SLC35F4: variants seen among roughly 807,000 people sequenced by gnomAD.
SLC35F4 encodes solute carrier family 35 member F4, also known as chromosome 14 open reading frame 36.
SLC35F4 carries 24 observed loss-of-function variants against 44.2 expected under a neutral mutation model. The observed-to-expected ratio is 0.54, with a 90% confidence interval of 0.39 to 0.76. SLC35F4 has a LOEUF of 0.76. Among genes scored for constraint, SLC35F4 ranks in the 30% least tolerant of loss-of-function variants. SLC35F4 has a pLI of 0.00. For missense variants in SLC35F4, 562 were observed against 586.1 expected (o/e 0.96, Z 0.42); for synonymous variants, 238 against 223.6 (o/e 1.06, Z -0.57).
intron 1 of SLC35F4, among the ~76,000 whole-genome samples, chr14:57,785,760 C>T (rs2077740523): frequency 1.3e-5 from 2 of 152,172 alleles, no homozygotes. Flanking sequence ...AGCAGAAACG[C>T]CCTGGGAGCT....
chr14:57,654,934 G>A (rs945305999), intron 1 of SLC35F4, among the ~76,000 whole-genome samples: 5 of 152,160 alleles, frequency 3.3e-5, no homozygotes, highest in Admixed American at 6.5e-5. Context: ...GTACGCTGAC[G>A]AAGCCCGCAT....
chr14:57,874,234 G>C (rs192252250), intron 1 of SLC35F4, among the ~76,000 whole-genome samples: 3 of 152,126 alleles, frequency 2.0e-5, no homozygotes, highest in Admixed American at 2.0e-4. Flanking sequence ...CTTCCTGGAG[G>C]AGCCAGGTAT....
At chr14:57,667,055 C>T (rs1322777673) in intron 1 of SLC35F4, among the ~76,000 whole-genome samples, 2 of 151,420 alleles carry the variant, frequency 1.3e-5, no homozygotes, top group Non-Finnish European at 2.9e-5. Flanking sequence ...TTGAGTTAGG[C>T]CTTCCGGGAA....
chr14:57,898,244 A>G (rs2141043414), intron 1 of SLC35F4, among the ~76,000 whole-genome samples: 1 of 152,380 alleles, frequency 6.6e-6, no homozygotes, highest in South Asian at 2.1e-4. Context: ...TAACAAAATT[A>G]GGCATATCTG....
chr14:57,642,522 C>G (rs2073297772), intron 1 of SLC35F4, among the ~76,000 whole-genome samples: 1 of 151,614 alleles, frequency 6.6e-6, no homozygotes, highest in Admixed American at 6.6e-5. Context: ...ACTTTCATCC[C>G]CTTCTGAGTT....
chr14:57,837,870 A>G (rs900332381), intron 1 of SLC35F4, among the ~76,000 whole-genome samples: 3 of 152,234 alleles, frequency 2.0e-5, no homozygotes, highest in African/African-American at 7.2e-5. Context: ...CCCAATACAC[A>G]TACATTCAAA....
At chr14:57,617,960 T>C (rs2071945738) in intron 1 of SLC35F4, among the ~76,000 whole-genome samples, 1 of 152,316 alleles carries the variant, frequency 6.6e-6, no homozygotes, top group Middle Eastern at 3.4e-3. Flanking sequence ...ACTTTAAAGA[T>C]GCCATCTAAA....
chr14:57,772,829 G>A (rs183064989), intron 1 of SLC35F4, among the ~76,000 whole-genome samples: 5 of 152,246 alleles, frequency 3.3e-5, no homozygotes, highest in African/African-American at 1.2e-4. Context: ...GAGTACCGGT[G>A]TCTTTTTGAT....
At chr14:57,811,941 C>A (rs889312845) in intron 1 of SLC35F4, among the ~76,000 whole-genome samples, 4 of 152,110 alleles carry the variant, frequency 2.6e-5, no homozygotes, top group Non-Finnish European at 5.9e-5. Flanking sequence ...ATGATCATGC[C>A]ACTGCACTCC....
At chr14:57,693,555 G>T (rs973280516) in intron 1 of SLC35F4, among the ~76,000 whole-genome samples, 2 of 152,096 alleles carry the variant, frequency 1.3e-5, no homozygotes, top group Admixed American at 1.3e-4. Flanking sequence ...CCTTTATTTT[G>T]GCCCATCCCT....
At chr14:57,684,213 AACATCCCACGCCGCTGCTGGC>A (rs2140312351) in intron 1 of SLC35F4, among the ~76,000 whole-genome samples, 1 of 152,150 alleles carries the variant, frequency 6.6e-6, no homozygotes, top group African/African-American at 2.4e-5. Flanking sequence ...CCTTCTTCCC[AACATCCCACGCCGCTGCTGGC>A]ACAGGCTGTT....
At chr14:57,964,053 C>T (rs552017126) in intron 1 of SLC35F4, among the ~76,000 whole-genome samples, 1 of 152,082 alleles carries the variant, frequency 6.6e-6, no homozygotes, top group Admixed American at 6.6e-5. Context: ...AATAGCTGAT[C>T]AGGAGCAATT....
intron 4 of SLC35F4, among the ~76,000 whole-genome samples, chr14:57,577,670 T>TA (rs1022518397): frequency 3.1e-4 from 46 of 149,052 alleles, no homozygotes; most frequent in East Asian, 5.9e-4. Flanking sequence ...AACCTTTTTT[T>TA]AAAAAAAAAA....
intron 1 of SLC35F4, among the ~76,000 whole-genome samples, chr14:57,820,550 T>C (rs1883068686): frequency 6.6e-6 from 1 of 152,240 alleles, no homozygotes; most frequent in Non-Finnish European, 1.5e-5. Context: ...AATTAATGTT[T>C]TCTTCTTAAC....
chr14:57,665,917 G>A (rs2074291927), intron 1 of SLC35F4, among the ~76,000 whole-genome samples: 2 of 152,164 alleles, frequency 1.3e-5, no homozygotes, highest in Admixed American at 1.3e-4. Context: ...TTAGAAGTGG[G>A]AGCTAAATGA....
intron 1 of SLC35F4, among the ~76,000 whole-genome samples, chr14:57,702,923 T>C (rs1046799577): frequency 1.3e-5 from 2 of 152,186 alleles, no homozygotes; most frequent in Non-Finnish European, 2.9e-5. Context: ...GTTCTGATCC[T>C]ACATTTTCTG....
At chr14:57,739,829 C>A (rs949087300) in intron 1 of SLC35F4, among the ~76,000 whole-genome samples, 1 of 152,190 alleles carries the variant, frequency 6.6e-6, no homozygotes, top group African/African-American at 2.4e-5. Flanking sequence ...GGGCACCTAG[C>A]GTAGAGCCAA....
intron 1 of SLC35F4, among the ~76,000 whole-genome samples, chr14:57,677,865 A>G (rs1399677408): frequency 6.6e-6 from 1 of 152,014 alleles, no homozygotes; most frequent in African/African-American, 2.4e-5. Flanking sequence ...CAATTCACAA[A>G]AAAAGAATAT....
At chr14:57,906,635 A>G (rs901453392) in intron 1 of SLC35F4, among the ~76,000 whole-genome samples, 1 of 152,208 alleles carries the variant, frequency 6.6e-6, no homozygotes, top group African/African-American at 2.4e-5. Context: ...CAAATTTTCA[A>G]TAAATGTTGC....
Sources: gnomAD v4.1 joint callset for allele counts (sites outside exome capture counted in the v4.1 genomes callset) on GRCh38, gnomAD v4.1.1 for gene constraint, MANE v1.5 for transcripts, NCBI Gene and HGNC (gene_info 2026-07-23, HGNC 2026-07-21) for gene names.